Variants in GRM3 observed in about 807,000 individuals in gnomAD.
The protein encoded by GRM3 is metabotropic glutamate receptor 3.
GRM3 carries 26 observed loss-of-function variants against 70.5 expected under a neutral mutation model. The ratio of observed to expected loss-of-function variants is 0.37; its 90% CI spans 0.27 to 0.51. The LOEUF is 0.51. Among genes scored for constraint, GRM3 ranks in the 20% least tolerant of loss-of-function variants. GRM3 has a pLI of 0.93. For synonymous variants in GRM3, 443 were observed against 434.9 expected (o/e 1.02, Z -0.23); for missense variants, 859 against 1,123.8 (o/e 0.76, Z 3.37).
chr7:86,814,545 CT>C (rs1275530980), intron 3 of GRM3, among the ~76,000 whole-genome samples: 2 of 151,906 alleles, frequency 1.3e-5, no homozygotes, highest in African/African-American at 2.4e-5. Context: ...GAAATACACT[CT>C]CTTGAAGATA....
At chr7:86,668,094 T>A (rs577778116) in intron 1 of GRM3, among the ~76,000 whole-genome samples, 1 of 152,286 alleles carries the variant, frequency 6.6e-6, no homozygotes, top group African/African-American at 2.4e-5. Flanking sequence ...TTTCATTAGA[T>A]TCTTAACTCA....
At chr7:86,701,593 C>A (rs986917840) in intron 1 of GRM3, among the ~76,000 whole-genome samples, 1 of 151,790 alleles carries the variant, frequency 6.6e-6, no homozygotes, top group African/African-American at 2.4e-5. Flanking sequence ...AATTTGCCCA[C>A]CTATTAGATT....
chr7:86,843,306 A>G (rs1217203586), intron 4 of GRM3, among the ~76,000 whole-genome samples: 1 of 152,172 alleles, frequency 6.6e-6, no homozygotes, highest in Non-Finnish European at 1.5e-5. Context: ...ATGAAATAGT[A>G]GTTTTTCTGA....
At chr7:86,698,115 T>C (rs901188365) in intron 1 of GRM3, among the ~76,000 whole-genome samples, 1 of 152,086 alleles carries the variant, frequency 6.6e-6, no homozygotes, top group African/African-American at 2.4e-5. Context: ...ATAATATCCT[T>C]TTACCCGTCC....
At position 86,765,481 on chromosome 7, in the gene GRM3, T is replaced by G; in HGVS notation, c.336T>G (p.Phe112Leu). 1 of 1,613,952 alleles carries G rather than the reference T, an allele frequency of 6.2e-7. No individual in the cohort carries two copies. Among genetic ancestry groups the G allele is most frequent in the Non-Finnish European group, 8.5e-7 (1 of 1,179,900 alleles). ...ATGCATTGGAGCAATCACTGGAGTT[T>G]GTCAGGGCATCTTTGACAAAAGTGG... Reference protein sequence around the residue: ...DTYALEQSLEFVRASLTKVDE... With the variant: ...DTYALEQSLELVRASLTKVDE... The change falls in exon 2 of 6, where the codon TTT becomes TTG. Residue 112 changes from phenylalanine (F) to leucine (L), a missense_variant. By Grantham distance (22) the Phe-to-Leu change is conservative (BLOSUM62 0). Coordinates refer to ENST00000361669, the MANE Select transcript of GRM3 (RefSeq NM_000840.3).
At chr7:86,717,719 A>T (rs986568572) in intron 1 of GRM3, among the ~76,000 whole-genome samples, 29 of 151,986 alleles carry the variant, frequency 1.9e-4, no homozygotes, top group Non-Finnish European at 3.1e-4. Context: ...GAAGACGTGA[A>T]ACATAAGGGT....
intron 1 of GRM3, among the ~76,000 whole-genome samples, chr7:86,662,408 A>G (rs1793916583): frequency 6.6e-6 from 1 of 151,912 alleles, no homozygotes; most frequent in Non-Finnish European, 1.5e-5. Context: ...GAATGAAGGA[A>G]TAAAGACCTT....
intron 1 of GRM3, among the ~76,000 whole-genome samples, chr7:86,745,341 A>G (rs902042484): frequency 1.3e-5 from 2 of 152,118 alleles, no homozygotes; most frequent in East Asian, 1.9e-4. Context: ...AGCAGCCTCT[A>G]TCATCTTAGC....
At chr7:86,780,372 A>G (rs113047939) in intron 2 of GRM3, among the ~76,000 whole-genome samples, 1 of 152,198 alleles carries the variant, frequency 6.6e-6, no homozygotes, top group Non-Finnish European at 1.5e-5. Context: ...ATAACATTGC[A>G]TCTGCTGGCA....
intron 3 of GRM3, among the ~76,000 whole-genome samples, chr7:86,800,638 C>A (rs1170745591): frequency 6.6e-6 from 1 of 152,140 alleles, no homozygotes; most frequent in Non-Finnish European, 1.5e-5. Context: ...AAAATTGAGG[C>A]AGTAATAAAC....
chr7:86,844,141 A>G (rs1798610814), intron 4 of GRM3, among the ~76,000 whole-genome samples: 1 of 152,202 alleles, frequency 6.6e-6, no homozygotes, highest in Admixed American at 6.6e-5. Flanking sequence ...ACAAGGTTCA[A>G]ATACTTACAA....
At position 86,839,263 on chromosome 7, in the gene GRM3, T is replaced by C; in HGVS notation, c.1749T>C (p.Ile583=). ...CCTGGGCCATTGGCCCAGTCACCAT[T>C]GCCTGTCTGGGTTTTATGTGTACAT... ...EDAWAIGPVT[I]ACLGFMCTCM... The change falls in exon 4 of 6, where the codon ATT becomes ATC. Residue 583 remains isoleucine (I), a synonymous_variant. Coordinates refer to ENST00000361669, the MANE Select transcript of GRM3 (RefSeq NM_000840.3). This position sits in a 1 kb window ranked among gnomAD's most constrained non-coding sequence, Gnocchi z 4.5. 1 of 1,613,768 alleles carries C rather than the reference T, an allele frequency of 6.2e-7. No homozygotes were observed. The highest frequency in any genetic ancestry group is 1.1e-5 in the South Asian group (1 of 91,076).
chr7:86,694,049 A>G (rs1391309648), intron 1 of GRM3, among the ~76,000 whole-genome samples: 1 of 152,230 alleles, frequency 6.6e-6, no homozygotes, highest in African/African-American at 2.4e-5. Context: ...ACTGGGTTGT[A>G]GAAGACAACT....
At chr7:86,675,478 G>A (rs942110222) in intron 1 of GRM3, among the ~76,000 whole-genome samples, 2 of 152,014 alleles carry the variant, frequency 1.3e-5, no homozygotes, top group African/African-American at 4.8e-5. Flanking sequence ...AGTACAGTGA[G>A]AGCCAAGAAC....
At chr7:86,807,496 T>C (rs1797820498) in intron 3 of GRM3, among the ~76,000 whole-genome samples, 1 of 151,570 alleles carries the variant, frequency 6.6e-6, no homozygotes, top group African/African-American at 2.4e-5. Context: ...TATTTTATTC[T>C]CTTTGAAGCA....
chr7:86,646,682 A>G (rs1022360493), intron 1 of GRM3, among the ~76,000 whole-genome samples: 1 of 152,222 alleles, frequency 6.6e-6, no homozygotes, highest in Non-Finnish European at 1.5e-5. Flanking sequence ...AACCTAAATC[A>G]TAGAAAATTA....
intron 3 of GRM3, among the ~76,000 whole-genome samples, chr7:86,831,534 C>T: frequency 6.6e-6 from 1 of 152,022 alleles, no homozygotes; most frequent in East Asian, 1.9e-4. Context: ...ATCAGGTTAG[C>T]CCTGTCCCCT....
At chr7:86,687,477 G>A (rs1794594180) in intron 1 of GRM3, among the ~76,000 whole-genome samples, 1 of 135,458 alleles carries the variant, frequency 7.4e-6, no homozygotes, top group African/African-American at 2.4e-5. Context: ...TTAGATTCCT[G>A]AAAGAAAAAA....
intron 3 of GRM3, among the ~76,000 whole-genome samples, chr7:86,795,253 TTTTTATTTTATTTTATTTTA>T (rs67329784): frequency 4.2e-4 from 52 of 124,024 alleles, no homozygotes; most frequent in African/African-American, 1.3e-3. Context: ...TCTAGGTTAG[TTTTTATTTTATTTTATTTTA>T]TTTTATTTTA....
Sources: allele counts gnomAD v4.1 joint callset (sites outside exome capture counted in the v4.1 genomes callset), GRCh38; gene constraint gnomAD v4.1.1; non-coding constraint Gnocchi (gnomAD v3.1); transcripts MANE v1.5; gene names NCBI Gene and HGNC (gene_info 2026-07-23, HGNC 2026-07-21).